GNAQ: variants seen among roughly 807,000 people sequenced by gnomAD.
GNAQ encodes the protein guanine nucleotide-binding protein G(q) subunit alpha.
A neutral mutation model predicts 43.9 loss-of-function variants in GNAQ; 8 were observed. The ratio of observed to expected loss-of-function variants is 0.18; its 90% CI spans 0.11 to 0.33. The LOEUF is 0.33. Among genes scored for constraint, GNAQ ranks in the 10% least tolerant of loss-of-function variants. The probability of loss-of-function intolerance (pLI) is 1.00; values close to 1 mark genes in which losing one functional copy is unlikely to be tolerated. For missense variants in GNAQ, 158 were observed against 450.8 expected (o/e 0.35, Z 5.88); for synonymous variants, 155 against 170.7 (o/e 0.91, Z 0.71).
chr9:77,889,410 C>CAAATAAA (rs1828364815), intron 2 of GNAQ, among the ~76,000 whole-genome samples: 2 of 48,050 alleles, frequency 4.2e-5, no homozygotes, highest in Admixed American at 6.5e-4. Context: ...GACCCTGTCT[C>CAAATAAA]AAAAAAAAAA....
chr9:77,821,497 T>G (rs1225284595), intron 2 of GNAQ, among the ~76,000 whole-genome samples: 1 of 152,178 alleles, frequency 6.6e-6, no homozygotes, highest in Non-Finnish European at 1.5e-5. Context: ...TTGTCTGTAA[T>G]GTCATAATTA....
chr9:77,856,437 A>C (rs1362283255), intron 2 of GNAQ, among the ~76,000 whole-genome samples: 3 of 152,232 alleles, frequency 2.0e-5, no homozygotes, highest in Non-Finnish European at 4.4e-5. Flanking sequence ...ACTATTACAC[A>C]TGGATTAACT....
intron 1 of GNAQ, among the ~76,000 whole-genome samples, chr9:78,021,667 G>C (rs956279704): frequency 1.3e-5 from 2 of 152,216 alleles, no homozygotes; most frequent in Non-Finnish European, 2.9e-5. Flanking sequence ...CAGGCTCATT[G>C]GCCAGCCAGC....
chr9:77,763,831 A>C (rs1826092921), intron 5 of GNAQ, among the ~76,000 whole-genome samples: 1 of 152,240 alleles, frequency 6.6e-6, no homozygotes, highest in Non-Finnish European at 1.5e-5. Flanking sequence ...AGTTTGTGAA[A>C]GTCTGTAAAT....
chr9:77,957,872 C>T (rs1823061961), intron 1 of GNAQ, among the ~76,000 whole-genome samples: 1 of 152,134 alleles, frequency 6.6e-6, no homozygotes, highest in Non-Finnish European at 1.5e-5. Context: ...TTCTGCTGGC[C>T]ACGTGGCTTA....
At chr9:77,752,571 C>G (rs967356713) in intron 5 of GNAQ, among the ~76,000 whole-genome samples, 1 of 152,176 alleles carries the variant, frequency 6.6e-6, no homozygotes, top group Non-Finnish European at 1.5e-5. Flanking sequence ...CCCAAACCCA[C>G]AAAGTTATTT....
intron 6 of GNAQ, among the ~76,000 whole-genome samples, chr9:77,722,268 C>T (rs923221030): frequency 6.6e-6 from 1 of 151,994 alleles, no homozygotes; most frequent in African/African-American, 2.4e-5. Context: ...TCCTGAGCAG[C>T]TGGGATTACT....
chr9:77,965,920 C>CTG (rs1233469061), intron 1 of GNAQ, among the ~76,000 whole-genome samples: 1 of 150,994 alleles, frequency 6.6e-6, no homozygotes, highest in African/African-American at 2.4e-5. Flanking sequence ...TAGCCAAACA[C>CTG]TGGAAACAAT....
chr9:77,897,272 T>C (rs1828519219), intron 2 of GNAQ, among the ~76,000 whole-genome samples: 1 of 152,236 alleles, frequency 6.6e-6, no homozygotes, highest in South Asian at 2.1e-4. Context: ...TAAAATTATT[T>C]ATGATGAAGC....
chr9:77,930,505 C>T (rs1313403779), intron 1 of GNAQ, among the ~76,000 whole-genome samples: 2 of 152,158 alleles, frequency 1.3e-5, no homozygotes, highest in Non-Finnish European at 2.9e-5. Context: ...GAAACGATTA[C>T]AGTCATTCAT....
At chr9:77,766,800 G>A (rs1229696147) in intron 5 of GNAQ, among the ~76,000 whole-genome samples, 1 of 152,180 alleles carries the variant, frequency 6.6e-6, no homozygotes, top group Non-Finnish European at 1.5e-5. Flanking sequence ...CAGTCTATAA[G>A]GAAAGACTGG....
chr9:77,853,153 T>C (rs1827697230), intron 2 of GNAQ, among the ~76,000 whole-genome samples: 1 of 152,134 alleles, frequency 6.6e-6, no homozygotes, highest in African/African-American at 2.4e-5. Context: ...ACACTACATG[T>C]TATTAATATT....
At chr9:77,907,288 G>A (rs1348856548) in intron 2 of GNAQ, among the ~76,000 whole-genome samples, 1 of 151,998 alleles carries the variant, frequency 6.6e-6, no homozygotes, top group Non-Finnish European at 1.5e-5. Flanking sequence ...CAAAGATATC[G>A]CCATGGGAAA....
Position 77,727,964 on chromosome 9 carries a change from T to C in GNAQ, c.889+550A>G, listed in dbSNP as rs117881135. 4.5e-3 allele frequency among the ~76,000 whole-genome samples: 690 copies of C among 152,216 alleles called. 2 individuals are homozygous for C. Among genetic ancestry groups the C allele is most frequent in the Non-Finnish European group, 7.8e-3 (533 of 67,986 alleles). ...TTGGTCAAAACTACTGGATTGTTCCTTTTTCTGATCTGCTATTTCAAAGCA... is the reference window on the plus strand; with the variant it reads ...TTGGTCAAAACTACTGGATTGTTCCCTTTTCTGATCTGCTATTTCAAAGCA... On this transcript the variant is annotated intron_variant, in intron 6 of 6. Transcript: ENST00000286548.
intron 6 of GNAQ, among the ~76,000 whole-genome samples, chr9:77,724,206 C>G (rs1554710729): frequency 6.6e-6 from 1 of 150,678 alleles, no homozygotes; most frequent in Non-Finnish European, 1.5e-5. Flanking sequence ...TTTTTTTTTC[C>G]TTGAGACAGA....
At chr9:77,940,695 C>T (rs974100518) in intron 1 of GNAQ, among the ~76,000 whole-genome samples, 5 of 152,146 alleles carry the variant, frequency 3.3e-5, no homozygotes, top group African/African-American at 7.2e-5. Flanking sequence ...CGGCTGCGCG[C>T]GGTGGCTCAC....
chr9:77,900,080 A>G (rs775601604), intron 2 of GNAQ, among the ~76,000 whole-genome samples: 29 of 152,190 alleles, frequency 1.9e-4, no homozygotes, highest in Non-Finnish European at 3.4e-4. Flanking sequence ...TGACTCAATC[A>G]GGTCTCCTTG....
At chr9:77,915,222 T>C (rs1828878905) in intron 2 of GNAQ, among the ~76,000 whole-genome samples, 1 of 152,240 alleles carries the variant, frequency 6.6e-6, no homozygotes, top group African/African-American at 2.4e-5. Context: ...AGGAGATTTC[T>C]GTACCTCTTT....
At chr9:77,728,129 G>A (rs908875990) in intron 6 of GNAQ, among the ~76,000 whole-genome samples, 2 of 152,072 alleles carry the variant, frequency 1.3e-5, no homozygotes, top group Non-Finnish European at 2.9e-5. Context: ...CGAGAAGCTG[G>A]GACTACAGGT....
Sources: gnomAD v4.1 joint callset for allele counts (sites outside exome capture counted in the v4.1 genomes callset) on GRCh38, gnomAD v4.1.1 for gene constraint, MANE v1.5 for transcripts, NCBI Gene and HGNC (gene_info 2026-07-23, HGNC 2026-07-21) for gene names.